The following AGBL1 variants were observed in gnomAD, a reference collection of about 807,000 sequenced individuals.
The protein encoded by AGBL1 is AGBL carboxypeptidase 1, also known as cytosolic carboxypeptidase 4.
Under a neutral mutation model 118.9 loss-of-function variants are expected in AGBL1, and 130 were observed. The ratio of observed to expected loss-of-function variants is 1.09; its 90% CI spans 0.95 to 1.26. The LOEUF is 1.26. AGBL1 is among the 50% of genes most tolerant of loss of function. AGBL1 has a pLI of 0.00. For synonymous variants in AGBL1, 555 were observed against 478.9 expected (o/e 1.16, Z -2.08); for missense variants, 1,584 against 1,298.1 (o/e 1.22, Z -3.38).
chr15:86,641,467 G>C lies in AGBL1; in HGVS notation c.2995-32806G>C, dbSNP rs377524221. Among the ~76,000 whole-genome samples, 138 of 151,370 alleles carry C rather than the reference G, an allele frequency of 9.1e-4. 6 individuals carry two copies. In the South Asian group the frequency reaches 0.028, roughly 31 times the overall value. On this transcript the variant is annotated intron_variant, in intron 21 of 22. Transcript: ENST00000614907. ...TGGCAGCCCCCATGAGAACTCCCTAGTCACACAATTCTCCTTTATTTCCCC... is the reference window on the plus strand; with the variant it reads ...TGGCAGCCCCCATGAGAACTCCCTACTCACACAATTCTCCTTTATTTCCCC...
intron 22 of AGBL1, among the ~76,000 whole-genome samples, chr15:86,845,178 G>C (rs1425716319): frequency 1.3e-5 from 2 of 151,958 alleles, no homozygotes; most frequent in Admixed American, 6.6e-5. Context: ...CTATTTGTCA[G>C]CTTCTACAAA....
At chr15:86,365,663 C>T (rs1596021176) in intron 17 of AGBL1, among the ~76,000 whole-genome samples, 1 of 149,078 alleles carries the variant, frequency 6.7e-6, no homozygotes, top group East Asian at 1.9e-4. Flanking sequence ...CCCTTTTTCT[C>T]ACTCAAACCA....
At chr15:86,344,767 C>A (rs2080511128) in intron 17 of AGBL1, among the ~76,000 whole-genome samples, 1 of 152,006 alleles carries the variant, frequency 6.6e-6, no homozygotes, top group African/African-American at 2.4e-5. Context: ...AGCAGTTTCA[C>A]AATGTTAACT....
chr15:86,287,607 C>T (rs1307925837), intron 16 of AGBL1, among the ~76,000 whole-genome samples: 1 of 152,090 alleles, frequency 6.6e-6, no homozygotes, highest in Non-Finnish European at 1.5e-5. Context: ...CTGTCCTTTC[C>T]CCATTGCATG....
chr15:86,523,362 A>G (rs1186078294), intron 19 of AGBL1, among the ~76,000 whole-genome samples: 2 of 152,136 alleles, frequency 1.3e-5, no homozygotes, highest in African/African-American at 2.4e-5. Context: ...CCCTCTTCTA[A>G]TAAGGACATT....
intron 4 of AGBL1, among the ~76,000 whole-genome samples, chr15:86,155,403 T>C (rs949399381): frequency 7.9e-5 from 12 of 152,132 alleles, no homozygotes; most frequent in African/African-American, 2.9e-4. Flanking sequence ...TGAGCATTGA[T>C]TGTGACCCTG....
At chr15:86,650,884 C>T (rs2085358242) in intron 21 of AGBL1, among the ~76,000 whole-genome samples, 1 of 152,162 alleles carries the variant, frequency 6.6e-6, no homozygotes. Context: ...AGGACAAATT[C>T]CAAGTAGGTT....
intron 23 of AGBL1, among the ~76,000 whole-genome samples, chr15:86,935,791 A>C (rs1040880506): frequency 6.6e-6 from 1 of 152,236 alleles, no homozygotes; most frequent in African/African-American, 2.4e-5. Context: ...AGGGGAACTC[A>C]AGGTGACAAT....
chr15:86,154,600 A>T, intron 4 of AGBL1, 39 bp downstream of exon 4: 1 of 1,577,416 alleles, frequency 6.3e-7, no homozygotes, highest in South Asian at 1.2e-5. Context: ...ATGGCTTCCA[A>T]ACCTGGGCTG....
At chr15:86,120,923 G>T (rs925105974) in intron 1 of AGBL1, among the ~76,000 whole-genome samples, 1 of 149,322 alleles carries the variant, frequency 6.7e-6, no homozygotes, top group Non-Finnish European at 1.5e-5. Context: ...TTAAGATGGA[G>T]TCCCGCTCTG....
intron 17 of AGBL1, among the ~76,000 whole-genome samples, chr15:86,332,029 C>T (rs933377563): frequency 3.3e-5 from 5 of 152,100 alleles, no homozygotes; most frequent in Non-Finnish European, 7.3e-5. Flanking sequence ...TCAAGAGACT[C>T]ATCTCACACA....
At chr15:86,456,716 A>G (rs561892984) in intron 18 of AGBL1, among the ~76,000 whole-genome samples, 1 of 152,350 alleles carries the variant, frequency 6.6e-6, no homozygotes, top group Non-Finnish European at 1.5e-5. Context: ...ATGCCTCTAG[A>G]GCAAATACAA....
intron 14 of AGBL1, 105 bp from the exon 15 acceptor site, chr15:86,271,514 G>A: frequency 1.2e-6 from 1 of 869,492 alleles, no homozygotes; most frequent in South Asian, 1.4e-5. Context: ...ATAGTTAACA[G>A]TCACAGTTTC....
At chr15:86,191,056 A>G (rs1445926864) in intron 5 of AGBL1, among the ~76,000 whole-genome samples, 1 of 152,072 alleles carries the variant, frequency 6.6e-6, no homozygotes, top group Admixed American at 6.6e-5. Flanking sequence ...AGAAACTGAG[A>G]ACACAGGCCG....
At chr15:86,316,595 A>G (rs1372086290) in intron 17 of AGBL1, 2 of 152,214 alleles carry the variant, frequency 1.3e-5, no homozygotes, top group Admixed American at 6.5e-5. Context: ...GGGTCCCTTG[A>G]CTTTCTGCAG....
chr15:86,451,316 C>T (rs570020763), intron 18 of AGBL1, among the ~76,000 whole-genome samples: 22 of 152,186 alleles, frequency 1.4e-4, no homozygotes, highest in Admixed American at 7.9e-4. Context: ...AAAGAAGGAC[C>T]TTAGAGACAT....
intron 19 of AGBL1, among the ~76,000 whole-genome samples, chr15:86,523,167 T>A (rs2083212926): frequency 6.6e-6 from 1 of 152,188 alleles, no homozygotes; most frequent in East Asian, 1.9e-4. Flanking sequence ...TCTGGAGGTG[T>A]GAGTCTGGAA....
chr15:86,365,192 C>A (rs1376643232), intron 17 of AGBL1, among the ~76,000 whole-genome samples: 2 of 151,868 alleles, frequency 1.3e-5, no homozygotes, highest in East Asian at 3.9e-4. Context: ...CAGCAATGTC[C>A]AGACAGAAGG....
At chr15:86,820,694 AG>A (rs2141387275) in intron 22 of AGBL1, among the ~76,000 whole-genome samples, 1 of 152,304 alleles carries the variant, frequency 6.6e-6, no homozygotes, top group Non-Finnish European at 1.5e-5. Context: ...GAAACTGGAG[AG>A]GATGTGGAGA....
Sources: allele counts gnomAD v4.1 joint callset (sites outside exome capture counted in the v4.1 genomes callset), GRCh38; gene constraint gnomAD v4.1.1; transcripts MANE v1.5; gene names NCBI Gene and HGNC (gene_info 2026-07-23, HGNC 2026-07-21).